NKD1: variants seen among roughly 807,000 people sequenced by gnomAD.
NKD1 encodes the protein protein naked cuticle homolog 1.
In NKD1, 21 loss-of-function variants were observed where a neutral mutation model predicts 56.0. The observed-to-expected ratio is 0.38, with a 90% CI of 0.27 to 0.54. NKD1 has a LOEUF of 0.54. NKD1 is among the 20% of genes least tolerant of loss of function. NKD1 has a pLI of 0.82. For synonymous variants in NKD1, 263 were observed against 265.7 expected (o/e 0.99, Z 0.10); for missense variants, 578 against 642.7 (o/e 0.90, Z 1.09).
chr16:50,632,628 C>CT lies in NKD1; in HGVS notation c.823+222dup, dbSNP rs1300588724. On this transcript the variant is annotated intron_variant, in intron 9 of 9. Coordinates refer to ENST00000268459, the MANE Select transcript of NKD1 (RefSeq NM_033119.5). The surrounding 1 kb of genome is among the most constrained non-coding windows in gnomAD (Gnocchi z 4.1). ...AACAAAATCCAATAGTATCTAAAGG[C>CT]TTAGCACCCAATGACAAACAACAGT... Among the ~76,000 whole-genome samples, 1 of 152,194 alleles carries CT rather than the reference C, an allele frequency of 6.6e-6. No individual in the cohort carries two copies. Among genetic ancestry groups the CT allele is most frequent in the African/African-American group, 2.4e-5 (1 of 41,448 alleles).
chr16:50,608,212 G>C, intron 3 of NKD1, 82 bp from the exon 4 acceptor site: 3 of 919,342 alleles, frequency 3.3e-6, no homozygotes, highest in Non-Finnish European at 5.5e-6. Context: ...ATCAGCCCAG[G>C]GTCCTCATGG....
rs78247217 is a variant in NKD1 at position 50,577,556 on chromosome 16, T to C, written c.192+28001T>C. 7.4e-3 allele frequency among the ~76,000 whole-genome samples: 1,125 copies of C among 152,292 alleles called. 12 individuals are homozygous for C. The highest frequency in any genetic ancestry group is 0.012 in the Non-Finnish European group (846 of 68,026). ...CTGCCCTCTTAGAAAATTTTAAATATATAATGGAGTACTGTTAGCTATAGG... is the reference window on the plus strand; with the variant it reads ...CTGCCCTCTTAGAAAATTTTAAATACATAATGGAGTACTGTTAGCTATAGG... On this transcript the variant is annotated intron_variant, in intron 3 of 9. Coordinates refer to ENST00000268459, the MANE Select transcript of NKD1 (RefSeq NM_033119.5).
intron 3 of NKD1, chr16:50,556,176 T>G (rs1388971006): frequency 6.6e-6 from 1 of 152,280 alleles, no homozygotes; most frequent in Non-Finnish European, 1.5e-5. Context: ...TTCGACTCTC[T>G]GTGTGAAAGA....
intron 3 of NKD1, chr16:50,575,472 T>C (rs1451011372): frequency 2.1e-6 from 1 of 468,662 alleles, no homozygotes; most frequent in Non-Finnish European, 2.8e-6. Flanking sequence ...TGACAGGTGA[T>C]CTTGTGGCAA....
intron 3 of NKD1, among the ~76,000 whole-genome samples, chr16:50,581,294 GA>G (rs1322488269): frequency 6.6e-6 from 1 of 152,206 alleles, no homozygotes; most frequent in African/African-American, 2.4e-5. Flanking sequence ...TTAACTGCAG[GA>G]ATTCTCAGAG....
rs1437001600 is a variant in NKD1, at chr16:50,598,555, G to C, written c.193-9739G>C. 6.6e-6 allele frequency among the ~76,000 whole-genome samples: 1 copy of C among 152,130 alleles called. No individual in the cohort carries two copies. Among genetic ancestry groups the C allele is most frequent in the African/African-American group, 2.4e-5 (1 of 41,434 alleles). ...GCCTGTCATAAGCAGCCTGGCTCAG[G>C]GCCACCCTGTCGGCAGGTCACACGT... On this transcript the variant is annotated intron_variant, in intron 3 of 9. Coordinates refer to ENST00000268459, the MANE Select transcript of NKD1 (RefSeq NM_033119.5). This position sits in a 1 kb window ranked among gnomAD's most constrained non-coding sequence, Gnocchi z 4.2.
At chr16:50,574,604 C>G (rs1596714541) in intron 3 of NKD1, 1 of 985,316 alleles carries the variant, frequency 1.0e-6, no homozygotes, top group Admixed American at 6.1e-5. Flanking sequence ...GCCTCGCAGG[C>G]CTGGCCTCCA....
At position 50,633,460 on chromosome 16, in the gene NKD1, G is replaced by A. The variant is rs781511826; in HGVS notation, c.1092G>A (p.Gly364=). ...KSVGVGHVAR[G]ARNKPPLGPA... ...TGGGTGTGGGCCACGTGGCCAGAGG[G>A]GCAAGAAACAAGCCCCCTCTGGGAC... Residue 364 remains glycine, a synonymous_variant, in exon 10 of 10, where the codon GGG becomes GGA. Coordinates refer to ENST00000268459, the MANE Select transcript of NKD1 (RefSeq NM_033119.5). This position sits in a 1 kb window ranked among gnomAD's most constrained non-coding sequence, Gnocchi z 4.9. 3 of 1,609,668 alleles carry A rather than the reference G, an allele frequency of 1.9e-6. No individual in the cohort carries two copies. Among genetic ancestry groups the A allele is most frequent in the Admixed American group, 3.4e-5 (2 of 59,694 alleles).
chr16:50,627,088 T>C (rs1962235715), intron 6 of NKD1, among the ~76,000 whole-genome samples: 1 of 152,102 alleles, frequency 6.6e-6, no homozygotes, highest in South Asian at 2.1e-4. Context: ...AGTTGTGACT[T>C]TTAAGCACCC....
rs1172847159 is a variant in NKD1, at chr16:50,642,786, G to A, written c.*9005G>A. On this transcript the variant is annotated 3_prime_UTR_variant, in exon 10 of 10. Coordinates refer to ENST00000268459, the MANE Select transcript of NKD1 (RefSeq NM_033119.5). Reference sequence around the variant, plus strand: ...ACCTGTCCTCCACCCCGGCTGCAGAGCCCCCAGTGAGACAGCTGCTGTGGC... The same window carrying A: ...ACCTGTCCTCCACCCCGGCTGCAGAACCCCCAGTGAGACAGCTGCTGTGGC... 1 of 152,260 alleles carries A rather than the reference G, an allele frequency of 6.6e-6. No homozygotes were observed. The highest frequency in any genetic ancestry group is 1.5e-5 in the Non-Finnish European group (1 of 68,070). The allele number at this position is 152,260 out of a possible 1,614,324, so 9.4% of individuals were successfully genotyped here. A position where few individuals can be genotyped will look rare whatever the true frequency, so the allele number is the denominator to read the frequency against.
chr16:50,600,313 G>A (rs1195276995), intron 3 of NKD1, among the ~76,000 whole-genome samples: 2 of 151,560 alleles, frequency 1.3e-5, no homozygotes, highest in African/African-American at 2.4e-5. Context: ...TCTACAAAAA[G>A]TTTTAAAAAA....
Position 50,634,068 on chromosome 16 carries a change from A to C in NKD1, c.*287A>C. On this transcript the variant is annotated 3_prime_UTR_variant, in exon 10 of 10. Transcript: ENST00000268459. ...TCGGGGCTCGGGATCTGCAGCATCTATGTGGATCAGCCCACACCCTTCCCA... is the reference window on the plus strand; with the variant it reads ...TCGGGGCTCGGGATCTGCAGCATCTCTGTGGATCAGCCCACACCCTTCCCA... 1 of 288,338 alleles carries C rather than the reference A, an allele frequency of 3.5e-6. No individual in the cohort carries two copies. Among genetic ancestry groups the C allele is most frequent in the Non-Finnish European group, 6.4e-6 (1 of 156,972 alleles). 17.9% of individuals were successfully genotyped at this position (288,338 alleles called of 1,614,324 possible). A position where few individuals can be genotyped will look rare whatever the true frequency, so the allele number is the denominator to read the frequency against.
intron 3 of NKD1, among the ~76,000 whole-genome samples, chr16:50,602,250 G>C (rs569657815): frequency 6.6e-6 from 1 of 152,146 alleles, no homozygotes; most frequent in East Asian, 1.9e-4. Flanking sequence ...GGACAGCCCC[G>C]GTCTTCCTCT....
intron 5 of NKD1, among the ~76,000 whole-genome samples, chr16:50,622,633 C>T (rs1176098181): frequency 6.6e-6 from 1 of 152,182 alleles, no homozygotes; most frequent in East Asian, 1.9e-4. Context: ...TCACGTGCCT[C>T]GCCTGTAAGG....
intron 6 of NKD1, 47 bp from the exon 7 acceptor site, chr16:50,630,139 C>T: frequency 6.3e-7 from 1 of 1,585,326 alleles, no homozygotes. Context: ...ATTTTCAAGG[C>T]CCTGTGACTG....
At chr16:50,585,025 A>T (rs1961197428) in intron 3 of NKD1, among the ~76,000 whole-genome samples, 1 of 152,350 alleles carries the variant, frequency 6.6e-6, no homozygotes, top group South Asian at 2.1e-4. Context: ...TGCTGTCCTC[A>T]GGAGTCCGAG....
chr16:50,618,564 T>C (rs1205371144), intron 4 of NKD1, among the ~76,000 whole-genome samples: 1 of 152,228 alleles, frequency 6.6e-6, no homozygotes, highest in Non-Finnish European at 1.5e-5. Context: ...GCCCCTGGCA[T>C]TGGGGTCTGC....
chr16:50,616,078 T>G (rs1365559415), intron 4 of NKD1: 1 of 455,966 alleles, frequency 2.2e-6, no homozygotes, highest in Admixed American at 2.3e-5. Flanking sequence ...GACTCAAACA[T>G]CTTGGCAAGC....
chr16:50,574,608 G>A, intron 3 of NKD1: 1 of 985,394 alleles, frequency 1.0e-6, no homozygotes, highest in Non-Finnish European at 1.2e-6. Context: ...CGCAGGCCTG[G>A]CCTCCAGCGG....
Sources: allele counts gnomAD v4.1 joint callset (sites outside exome capture counted in the v4.1 genomes callset), GRCh38; gene constraint gnomAD v4.1.1; non-coding constraint Gnocchi (gnomAD v3.1); transcripts MANE v1.5; gene names NCBI Gene and HGNC (gene_info 2026-07-23, HGNC 2026-07-21).